The following HMGA2 variants were observed in gnomAD, a reference collection of about 807,000 sequenced individuals.
HMGA2 encodes the protein high mobility group AT-hook 2.
HMGA2 carries 8 observed loss-of-function variants against 19.1 expected under a neutral mutation model. The observed-to-expected ratio is 0.42, with a 90% CI of 0.25 to 0.76. HMGA2 has a LOEUF of 0.76. HMGA2 is among the 30% of genes least tolerant of loss of function. The pLI is 0.28. For synonymous variants in HMGA2, 60 were observed against 48.8 expected, an observed-to-expected ratio of 1.23 and a Z score of -0.96; for missense variants, 109 against 136.3, an observed-to-expected ratio of 0.80 and a Z score of 1.00.
At chr12:65,903,105 C>A (rs574506813) in intron 3 of HMGA2, among the ~76,000 whole-genome samples, 124 of 152,084 alleles carry the variant, frequency 8.2e-4, no homozygotes, top group African/African-American at 2.6e-3. Context: ...GAAACAAGCA[C>A]CAGGATATGA....
At chr12:65,837,409 T>C (rs1244688449) in intron 2 of HMGA2, among the ~76,000 whole-genome samples, 17 of 152,196 alleles carry the variant, frequency 1.1e-4, no homozygotes, top group Non-Finnish European at 2.5e-4. Flanking sequence ...AAAGTTTCAT[T>C]TGGCAGTGTA....
At chr12:65,928,844 G>A (rs750466984) in intron 3 of HMGA2, among the ~76,000 whole-genome samples, 1 of 152,042 alleles carries the variant, frequency 6.6e-6, no homozygotes, top group Non-Finnish European at 1.5e-5. Context: ...TGAGTGAAAC[G>A]TCATTATGTG....
At chr12:65,936,241 G>C (rs1327057338) in intron 3 of HMGA2, among the ~76,000 whole-genome samples, 1 of 143,348 alleles carries the variant, frequency 7.0e-6, no homozygotes, top group East Asian at 2.0e-4. Context: ...TTACAAGAAT[G>C]TGGGGGGAGG....
intron 3 of HMGA2, among the ~76,000 whole-genome samples, chr12:65,883,595 C>T (rs574407850): frequency 6.6e-6 from 1 of 152,286 alleles, no homozygotes; most frequent in Middle Eastern, 3.4e-3. Context: ...TTAATGTTGA[C>T]CTTAATCCTA....
At chr12:65,905,182 T>TCACACA (rs139108942) in intron 3 of HMGA2, among the ~76,000 whole-genome samples, 4,435 of 149,358 alleles carry the variant, frequency 0.03, 161 homozygotes, top group African/African-American at 0.087. Context: ...ATTGACTTTA[T>TCACACA]CACACACACA....
intron 3 of HMGA2, among the ~76,000 whole-genome samples, chr12:65,844,190 G>A (rs1261762900): frequency 2.0e-5 from 3 of 152,078 alleles, no homozygotes; most frequent in African/African-American, 4.8e-5. Context: ...AAAACTGTCT[G>A]CTAATGGAAT....
intron 3 of HMGA2, among the ~76,000 whole-genome samples, chr12:65,908,699 A>G (rs1874710174): frequency 6.6e-6 from 1 of 152,184 alleles, no homozygotes; most frequent in Admixed American, 6.5e-5. Context: ...TGGGGACTTA[A>G]TAGATGCCTA....
chr12:65,924,659 G>T (rs1051458670), intron 3 of HMGA2, among the ~76,000 whole-genome samples: 2 of 152,124 alleles, frequency 1.3e-5, no homozygotes, highest in Non-Finnish European at 2.9e-5. Flanking sequence ...TTAGCTGGGC[G>T]TTGTGGGGCG....
chr12:65,876,354 C>T (rs1592411112), intron 3 of HMGA2, among the ~76,000 whole-genome samples: 1 of 152,142 alleles, frequency 6.6e-6, no homozygotes, highest in East Asian at 1.9e-4. Context: ...ACCATATACT[C>T]ACTCTGAAAC....
At chr12:65,893,211 C>T (rs1417138905) in intron 3 of HMGA2, among the ~76,000 whole-genome samples, 1 of 152,100 alleles carries the variant, frequency 6.6e-6, no homozygotes, top group Non-Finnish European at 1.5e-5. Context: ...TACAGGAGGA[C>T]CTTTAAGGGC....
chr12:65,887,463 A>G (rs1394604118), intron 3 of HMGA2, among the ~76,000 whole-genome samples: 2 of 151,918 alleles, frequency 1.3e-5, no homozygotes, highest in African/African-American at 4.8e-5. Flanking sequence ...GGCGTGTACC[A>G]TAATCCCAGT....
chr12:65,836,259 TGAGGCAG>T (rs1453738563), intron 2 of HMGA2, among the ~76,000 whole-genome samples: 1 of 151,254 alleles, frequency 6.6e-6, no homozygotes, highest in African/African-American at 2.4e-5. Flanking sequence ...CTTGAGAGGC[TGAGGCAG>T]GAGAATGGAG....
chr12:65,859,797 A>C (rs535250341), intron 3 of HMGA2: 216 of 187,190 alleles, frequency 1.2e-3, no homozygotes, highest in South Asian at 3.5e-3. Context: ...TCAAAAATGC[A>C]TTTAGGCCGT....
chr12:65,918,385 T>C (rs1008373086), intron 3 of HMGA2, among the ~76,000 whole-genome samples: 1 of 152,144 alleles, frequency 6.6e-6, no homozygotes, highest in African/African-American at 2.4e-5. Flanking sequence ...GATGTGCACA[T>C]AGGAAATGTA....
chr12:65,860,859 T>C (rs924865866), intron 3 of HMGA2, among the ~76,000 whole-genome samples: 3 of 152,134 alleles, frequency 2.0e-5, no homozygotes, highest in African/African-American at 7.2e-5. Flanking sequence ...AAATAGAAAG[T>C]AGACATAGAA....
intron 3 of HMGA2, among the ~76,000 whole-genome samples, chr12:65,899,530 G>A (rs1565726344): frequency 6.6e-6 from 1 of 152,210 alleles, no homozygotes; most frequent in Non-Finnish European, 1.5e-5. Flanking sequence ...AGGGGGATGA[G>A]GGTTTGAATC....
intron 3 of HMGA2, among the ~76,000 whole-genome samples, chr12:65,865,611 G>C: frequency 6.6e-6 from 1 of 150,744 alleles, no homozygotes; most frequent in South Asian, 2.1e-4. Context: ...CATTCTAAGC[G>C]TCTGTATCTC....
intron 3 of HMGA2, among the ~76,000 whole-genome samples, chr12:65,894,617 G>C (rs543376772): frequency 1.3e-5 from 2 of 152,196 alleles, no homozygotes; most frequent in Non-Finnish European, 2.9e-5. Flanking sequence ...CATCAGGAAA[G>C]TATGGCAATT....
At chr12:65,842,347 G>A in intron 3 of HMGA2, 3 of 610,566 alleles carry the variant, frequency 4.9e-6, no homozygotes, top group Non-Finnish European at 8.7e-6. Context: ...CTCAGTAAAT[G>A]TTGGAAATTA....
Sources: gnomAD v4.1 joint callset for allele counts (sites outside exome capture counted in the v4.1 genomes callset) on GRCh38, gnomAD v4.1.1 for gene constraint, MANE v1.5 for transcripts, NCBI Gene and HGNC (gene_info 2026-07-23, HGNC 2026-07-21) for gene names.